Variants in DENND1A observed in about 807,000 individuals in gnomAD.
The protein encoded by DENND1A is DENN domain-containing protein 1A.
A neutral mutation model predicts 113.7 loss-of-function variants in DENND1A; 51 were observed. That is an observed-to-expected ratio of 0.45 (90% CI 0.36 to 0.57). The LOEUF (loss-of-function observed/expected upper bound fraction) is 0.57. Among genes scored for constraint, DENND1A ranks in the 20% least tolerant of loss-of-function variants. DENND1A has a pLI of 0.00. For synonymous variants in DENND1A, 565 were observed against 570.8 expected, an observed-to-expected ratio of 0.99 and a Z score of 0.14; for missense variants, 1,258 against 1,395.9, an observed-to-expected ratio of 0.90 and a Z score of 1.57.
At chr9:123,493,761 C>T (rs1013493309) in intron 13 of DENND1A, among the ~76,000 whole-genome samples, 1 of 152,120 alleles carries the variant, frequency 6.6e-6, no homozygotes, top group Non-Finnish European at 1.5e-5. Context: ...GATGAATTGT[C>T]ACTCAGGGAC....
chr9:123,632,645 C>G lies in DENND1A; in HGVS notation c.619-2169G>C, dbSNP rs1302010539. ...GAAGTCTTTGGGGACAAGCCTGGCC[C>G]GGATGGCTCCACCAGCCCACGGTCT... On this transcript the variant is annotated intron_variant, in intron 9 of 23. Transcript: ENST00000394215. Among the ~76,000 whole-genome samples the G allele has an allele frequency of 3.9e-5, 6 of 152,104 alleles. No homozygotes were observed. The South Asian group carries it at 1.2e-3, about 32-fold the overall frequency.
intron 10 of DENND1A, among the ~76,000 whole-genome samples, chr9:123,618,447 T>C (rs2060767060): frequency 6.6e-6 from 1 of 152,156 alleles, no homozygotes; most frequent in African/African-American, 2.4e-5. Context: ...ACCAGGCCAA[T>C]GCTCAGGCAG....
intron 18 of DENND1A, among the ~76,000 whole-genome samples, chr9:123,442,752 C>G (rs896056046): frequency 6.6e-6 from 1 of 152,180 alleles, no homozygotes; most frequent in South Asian, 2.1e-4. Flanking sequence ...AAAATACTAT[C>G]GTCTAGTTTT....
At chr9:123,782,644 G>A (rs1449395459) in intron 3 of DENND1A, among the ~76,000 whole-genome samples, 1 of 152,140 alleles carries the variant, frequency 6.6e-6, no homozygotes, top group African/African-American at 2.4e-5. Context: ...AAATCTACCT[G>A]GGGGATGTAA....
intron 9 of DENND1A, among the ~76,000 whole-genome samples, chr9:123,638,454 A>G (rs148892085): frequency 0.013 from 1,940 of 152,206 alleles, 20 homozygotes; most frequent in Non-Finnish European, 0.022. Context: ...GTGGCCCACA[A>G]TCCTTCCTCA....
intron 13 of DENND1A, among the ~76,000 whole-genome samples, chr9:123,501,344 G>C (rs1029491077): frequency 1.5e-4 from 23 of 152,168 alleles, no homozygotes; most frequent in Non-Finnish European, 2.8e-4. Context: ...CTCATCTGTG[G>C]ATGGACACCT....
intron 5 of DENND1A, among the ~76,000 whole-genome samples, chr9:123,742,197 C>T (rs1427033959): frequency 6.6e-6 from 1 of 151,758 alleles, no homozygotes; most frequent in Non-Finnish European, 1.5e-5. Flanking sequence ...TTAAAGAAGG[C>T]CTGCTGGTTA....
chr9:123,845,527 G>C (rs951114818), intron 2 of DENND1A, among the ~76,000 whole-genome samples: 1 of 151,716 alleles, frequency 6.6e-6, no homozygotes, highest in Non-Finnish European at 1.5e-5. Flanking sequence ...AAAATTAAGT[G>C]GGTGTGGTGG....
intron 11 of DENND1A, among the ~76,000 whole-genome samples, chr9:123,604,895 C>T (rs1300641840): frequency 6.6e-6 from 1 of 152,186 alleles, no homozygotes; most frequent in African/African-American, 2.4e-5. Flanking sequence ...GAAGTAAAAC[C>T]AGCAAGGATT....
chr9:123,576,804 C>G (rs2058663106), intron 12 of DENND1A, among the ~76,000 whole-genome samples: 1 of 152,178 alleles, frequency 6.6e-6, no homozygotes, highest in Non-Finnish European at 1.5e-5. Flanking sequence ...TAAAAATTAT[C>G]TTTCATTACT....
intron 5 of DENND1A, among the ~76,000 whole-genome samples, chr9:123,733,956 G>A (rs975504394): frequency 4.0e-5 from 6 of 151,890 alleles, no homozygotes; most frequent in East Asian, 1.9e-4. Context: ...ATGAGCCACC[G>A]TGCCAGGCCT....
At chr9:123,419,900 C>G (rs1353831075) in intron 19 of DENND1A, among the ~76,000 whole-genome samples, 1 of 152,184 alleles carries the variant, frequency 6.6e-6, no homozygotes. Flanking sequence ...ATACTTGCCT[C>G]CACTTCAGAG....
At chr9:123,442,251 G>A (rs1395118411) in intron 18 of DENND1A, among the ~76,000 whole-genome samples, 2 of 152,158 alleles carry the variant, frequency 1.3e-5, no homozygotes, top group Non-Finnish European at 2.9e-5. Context: ...ACAACAAAGG[G>A]AGATGATGAC....
intron 5 of DENND1A, among the ~76,000 whole-genome samples, chr9:123,729,385 C>A (rs1348995171): frequency 6.6e-6 from 1 of 152,186 alleles, no homozygotes; most frequent in Non-Finnish European, 1.5e-5. Flanking sequence ...CTCAAAATCT[C>A]CTTAAGCTGA....
intron 1 of DENND1A, among the ~76,000 whole-genome samples, chr9:123,903,469 T>C (rs1377506836): frequency 6.6e-6 from 1 of 151,076 alleles, no homozygotes; most frequent in Non-Finnish European, 1.5e-5. Context: ...ACCGGGTTGA[T>C]CTCACTAGGG....
At chr9:123,728,523 A>C in intron 5 of DENND1A, among the ~76,000 whole-genome samples, 1 of 148,190 alleles carries the variant, frequency 6.7e-6, no homozygotes, top group Non-Finnish European at 1.5e-5. Context: ...GGCATCAGTC[A>C]TCTTTACCCA....
At chr9:123,735,099 T>TC (rs1343472922) in intron 5 of DENND1A, among the ~76,000 whole-genome samples, 3 of 152,022 alleles carry the variant, frequency 2.0e-5, no homozygotes, top group Admixed American at 6.6e-5. Flanking sequence ...TAAGCTTTTC[T>TC]CCCCCCAAGA....
intron 5 of DENND1A, among the ~76,000 whole-genome samples, chr9:123,732,755 T>G (rs1249954650): frequency 6.6e-6 from 1 of 152,200 alleles, no homozygotes; most frequent in African/African-American, 2.4e-5. Context: ...AATACACTTA[T>G]CTGATTGAAT....
intron 2 of DENND1A, among the ~76,000 whole-genome samples, chr9:123,847,466 C>A (rs1842779570): frequency 6.6e-6 from 1 of 152,104 alleles, no homozygotes; most frequent in Non-Finnish European, 1.5e-5. Context: ...TGGAAAGGGA[C>A]TTCAACAGCA....
Sources: gnomAD v4.1 joint callset for allele counts (sites outside exome capture counted in the v4.1 genomes callset) on GRCh38, gnomAD v4.1.1 for gene constraint, MANE v1.5 for transcripts, NCBI Gene and HGNC (gene_info 2026-07-23, HGNC 2026-07-21) for gene names.